The following MRPL45 variants were observed in gnomAD, a reference collection of about 807,000 sequenced individuals.
MRPL45 encodes the protein large ribosomal subunit protein mL45.
In MRPL45, 20 loss-of-function variants were observed where a neutral mutation model predicts 38.1. That is an observed-to-expected ratio of 0.53 (90% CI 0.37 to 0.76). The LOEUF is 0.76. Ranked by LOEUF, MRPL45 falls within the 30% of genes least tolerant of loss-of-function variation. MRPL45 has a pLI of 0.00. For synonymous variants in MRPL45, 105 were observed against 128.8 expected (o/e 0.82, Z 1.25); for missense variants, 337 against 395.6 (o/e 0.85, Z 1.26).
intron 4 of MRPL45, among the ~76,000 whole-genome samples, chr17:38,314,870 C>A (rs1014452751): frequency 6.6e-6 from 1 of 152,160 alleles, no homozygotes; most frequent in Non-Finnish European, 1.5e-5. Flanking sequence ...CACAGCCAGG[C>A]GTGGTGGCTA....
chr17:38,311,671 C>T (rs190740108), intron 4 of MRPL45, among the ~76,000 whole-genome samples: 3 of 128,306 alleles, frequency 2.3e-5, no homozygotes, highest in Admixed American at 9.3e-5. Context: ...GGCGACAGAG[C>T]GAGACTCCGT....
chr17:38,303,420 C>A (rs900112184), intron 3 of MRPL45, among the ~76,000 whole-genome samples: 3 of 149,954 alleles, frequency 2.0e-5, no homozygotes, highest in Admixed American at 6.7e-5. Context: ...GTGTTAGCCT[C>A]CCCAGTAGGT....
At chr17:38,317,949 GA>G (rs1326597078) in intron 4 of MRPL45, among the ~76,000 whole-genome samples, 1 of 151,888 alleles carries the variant, frequency 6.6e-6, no homozygotes, top group East Asian at 1.9e-4. Context: ...ATAAAGGAGA[GA>G]AAATAGACCA....
intron 4 of MRPL45, among the ~76,000 whole-genome samples, chr17:38,312,649 T>C (rs2037123761): frequency 6.6e-6 from 1 of 152,144 alleles, no homozygotes; most frequent in Admixed American, 6.6e-5. Flanking sequence ...GAGGATTGTT[T>C]CTGGGCAGCA....
At chr17:38,303,295 T>G (rs71384212) in intron 3 of MRPL45, among the ~76,000 whole-genome samples, 5,512 of 143,154 alleles carry the variant, frequency 0.039, 120 homozygotes, top group Middle Eastern at 0.22. Context: ...ATTAAATTTT[T>G]TTTTTTTTTT....
chr17:38,313,368 G>GTGTA (rs1723113906), intron 4 of MRPL45, among the ~76,000 whole-genome samples: 2 of 17,040 alleles, frequency 1.2e-4, no homozygotes, highest in African/African-American at 5.5e-4. Flanking sequence ...ATATATATAC[G>GTGTA]TATATATATA....
At chr17:38,321,132 T>G (rs1846144437) in intron 6 of MRPL45, among the ~76,000 whole-genome samples, 1 of 152,036 alleles carries the variant, frequency 6.6e-6, no homozygotes, top group Non-Finnish European at 1.5e-5. Context: ...CACGCAACCA[T>G]GCCTGGCTAA....
chr17:38,300,894 C>T (rs150715390), intron 3 of MRPL45, among the ~76,000 whole-genome samples: 4 of 152,102 alleles, frequency 2.6e-5, no homozygotes, highest in South Asian at 2.1e-4. Flanking sequence ...TGCGGTGAGC[C>T]GAGATCGTGC....
intron 3 of MRPL45, among the ~76,000 whole-genome samples, chr17:38,303,879 A>ACCACGCCCAGCTAATT (rs2037025503): frequency 6.6e-6 from 1 of 152,150 alleles, no homozygotes; most frequent in East Asian, 1.9e-4. Context: ...GGTGTGCGCC[A>ACCACGCCCAGCTAATT]CCACGCCCAG....
At chr17:38,317,725 C>T (rs2037188711) in intron 4 of MRPL45, among the ~76,000 whole-genome samples, 1 of 151,904 alleles carries the variant, frequency 6.6e-6, no homozygotes, top group South Asian at 2.1e-4. Flanking sequence ...GCGCCTGCTA[C>T]TACTCTCGGC....
At position 38,298,488 on chromosome 17, in the gene MRPL45, A is replaced by G. The variant is rs2036959075; in HGVS notation, c.106A>G (p.Arg36Gly). 3 of 1,613,968 alleles carry G rather than the reference A, an allele frequency of 1.9e-6. No homozygotes were observed. The highest frequency in any genetic ancestry group is 2.2e-5 in the East Asian group (1 of 44,884). ...TCAGTCCGCAGCTATAGTTCCAGTA[A>G]GAACTAAAAAACGTTTCACACCTCC... Reference protein sequence around the residue: ...VTQSAAIVPVRTKKRFTPPIY... With the variant: ...VTQSAAIVPVGTKKRFTPPIY... Residue 36 changes from arginine (R) to glycine (G), a missense_variant, in exon 2 of 8, where the codon AGA (arginine) becomes GGA (glycine). By Grantham distance (125) the Arg-to-Gly change is moderately radical. Transcript: ENST00000613675.
At chr17:38,312,322 A>C (rs1468751910) in intron 4 of MRPL45, among the ~76,000 whole-genome samples, 1 of 152,180 alleles carries the variant, frequency 6.6e-6, no homozygotes, top group African/African-American at 2.4e-5. Flanking sequence ...CGGGGATTAC[A>C]GGTGTGAGCC....
intron 5 of MRPL45, among the ~76,000 whole-genome samples, chr17:38,319,736 G>A (rs773569425): frequency 6.6e-6 from 1 of 152,176 alleles, no homozygotes; most frequent in Non-Finnish European, 1.5e-5. Context: ...TATATTGAGT[G>A]GTAACAGGAG....
At chr17:38,318,582 A>G (rs1170140217) in intron 4 of MRPL45, 105 bp from the exon 5 acceptor site, 1 of 852,026 alleles carries the variant, frequency 1.2e-6, no homozygotes, top group East Asian at 2.5e-5. Context: ...TGTGCCGAAA[A>G]CATTTGTAAA....
chr17:38,307,338 C>CTT (rs74774617), intron 4 of MRPL45, among the ~76,000 whole-genome samples: 1 of 145,128 alleles, frequency 6.9e-6, no homozygotes, highest in Non-Finnish European at 1.5e-5. Context: ...GCCCGGCCCC[C>CTT]TTTTTTTTTT....
rs1165304817 is a variant in MRPL45, at chr17:38,322,621, G to A, written c.*26G>A. ...TGACAAAAATGACTTCTAGGGTGAAGCCTGGGTGATGAGGCTGCTGGAAGC... is the reference window on the plus strand; with the variant it reads ...TGACAAAAATGACTTCTAGGGTGAAACCTGGGTGATGAGGCTGCTGGAAGC... On this transcript the variant is annotated 3_prime_UTR_variant, in exon 8 of 8. Coordinates refer to ENST00000613675, the MANE Select transcript of MRPL45 (RefSeq NM_032351.6). 20 of 1,581,654 alleles carry A rather than the reference G, an allele frequency of 1.3e-5. No individual in the cohort carries two copies. Among genetic ancestry groups the A allele is most frequent in the Non-Finnish European group, 1.4e-5 (16 of 1,154,660 alleles).
At chr17:38,303,459 G>T (rs1301746880) in intron 3 of MRPL45, among the ~76,000 whole-genome samples, 1 of 151,150 alleles carries the variant, frequency 6.6e-6, no homozygotes, top group Admixed American at 6.6e-5. Context: ...CACCACACCT[G>T]GCTGTTTTGT....
chr17:38,301,312 G>A (rs565333531), intron 3 of MRPL45, among the ~76,000 whole-genome samples: 6 of 151,930 alleles, frequency 3.9e-5, no homozygotes, highest in Non-Finnish European at 7.4e-5. Context: ...TGCAATCTCG[G>A]CTCACCACAA....
rs1227923432 is a variant in MRPL45 at position 38,307,931 on chromosome 17, G to A, written c.461+1300G>A. 1.3e-4 allele frequency among the ~76,000 whole-genome samples: 19 copies of A among 151,772 alleles called. No individual in the cohort carries two copies. In the East Asian group the frequency reaches 3.7e-3, roughly 30 times the overall value. On this transcript the variant is annotated intron_variant, in intron 4 of 7. Transcript: ENST00000613675. Reference sequence around the variant, plus strand: ...TTGTTTTTGTTTTTTGTTTTGAGACGGTCTTGTTCTGTTGCCCAGGCTGGA... The same window carrying A: ...TTGTTTTTGTTTTTTGTTTTGAGACAGTCTTGTTCTGTTGCCCAGGCTGGA...
Sources: allele counts gnomAD v4.1 joint callset (sites outside exome capture counted in the v4.1 genomes callset), GRCh38; gene constraint gnomAD v4.1.1; transcripts MANE v1.5; gene names NCBI Gene and HGNC (gene_info 2026-07-23, HGNC 2026-07-21).